The following DYM variants were observed in gnomAD, a reference collection of about 807,000 sequenced individuals.
DYM encodes dyggve-Melchior-Clausen syndrome protein.
Under a neutral mutation model 93.1 loss-of-function variants are expected in DYM, and 78 were observed. The ratio of observed to expected loss-of-function variants is 0.84; its 90% CI spans 0.70 to 1.01. The LOEUF is 1.01. Among genes scored for constraint, DYM ranks in the 50% least tolerant of loss-of-function variants. The pLI, the probability that DYM is intolerant of heterozygous loss-of-function variation, is 0.00. For synonymous variants in DYM, 321 were observed against 319.7 expected, an observed-to-expected ratio of 1.00 and a Z score of -0.04; for missense variants, 789 against 845.0, an observed-to-expected ratio of 0.93 and a Z score of 0.82.
chr18:49,282,532 G>A (rs2095015643), intron 9 of DYM, among the ~76,000 whole-genome samples: 1 of 152,216 alleles, frequency 6.6e-6, no homozygotes, highest in Non-Finnish European at 1.5e-5. Context: ...AGAATCGCTT[G>A]AACCTGGGAG....
At chr18:49,400,613 C>A (rs772294386) in intron 2 of DYM, among the ~76,000 whole-genome samples, 21 of 152,168 alleles carry the variant, frequency 1.4e-4, no homozygotes, top group Non-Finnish European at 1.5e-4. Context: ...CTGTTTGTTG[C>A]AGGATGCCTG....
rs370426195 is a variant in DYM, at chr18:49,240,592, A to G, written c.1460+16418T>C. On this transcript the variant is annotated intron_variant, in intron 13 of 17. Transcript: ENST00000675505. ...AGTCTAAATTATTAGGAAGTTGTCA[A>G]ACTCATGATGCCAAATATAAGTTTT... Among the ~76,000 whole-genome samples, 50 of 152,348 alleles carry G rather than the reference A, an allele frequency of 3.3e-4. 1 individual carries two copies. The South Asian group carries it at 9.9e-3, about 30-fold the overall frequency.
intron 17 of DYM, among the ~76,000 whole-genome samples, chr18:49,080,240 G>T (rs1318015633): frequency 8.4e-6 from 1 of 118,824 alleles, no homozygotes; most frequent in Admixed American, 8.3e-5. Context: ...CGGACGGGGC[G>T]GCTGGCCGGG....
At chr18:49,102,234 C>A (rs999627048) in intron 16 of DYM, among the ~76,000 whole-genome samples, 2 of 152,212 alleles carry the variant, frequency 1.3e-5, no homozygotes, top group Admixed American at 6.5e-5. Flanking sequence ...TTGCGCTGTG[C>A]AGACATTAAC....
intron 2 of DYM, among the ~76,000 whole-genome samples, chr18:49,426,488 A>G (rs963035747): frequency 7.2e-5 from 11 of 152,018 alleles, no homozygotes; most frequent in African/African-American, 2.7e-4. Flanking sequence ...TGGCACACGT[A>G]TACATATGTA....
At chr18:49,436,849 T>C (rs2080902745) in intron 1 of DYM, among the ~76,000 whole-genome samples, 2 of 152,210 alleles carry the variant, frequency 1.3e-5, no homozygotes, top group African/African-American at 4.8e-5. Flanking sequence ...ATGAAAATCA[T>C]AACAATTTGT....
intron 15 of DYM, among the ~76,000 whole-genome samples, chr18:49,144,702 A>G (rs1330561307): frequency 1.3e-5 from 2 of 152,182 alleles, no homozygotes; most frequent in Non-Finnish European, 2.9e-5. Flanking sequence ...CAACAAAAGC[A>G]TAAGTCCATG....
chr18:49,383,779 C>A (rs1463938107), intron 3 of DYM, among the ~76,000 whole-genome samples: 1 of 152,126 alleles, frequency 6.6e-6, no homozygotes, highest in Non-Finnish European at 1.5e-5. Context: ...GCAGTCACAG[C>A]CCAAGCTTAT....
At chr18:49,196,093 G>A (rs973672207) in intron 14 of DYM, among the ~76,000 whole-genome samples, 1 of 151,430 alleles carries the variant, frequency 6.6e-6, no homozygotes, top group Non-Finnish European at 1.5e-5. Context: ...CCCGGCTAAT[G>A]TTTTGTATTT....
At chr18:49,060,888 C>G (rs1226819863) in intron 17 of DYM, among the ~76,000 whole-genome samples, 5 of 152,058 alleles carry the variant, frequency 3.3e-5, no homozygotes, top group Non-Finnish European at 1.5e-5. Context: ...GTGTAAGGCA[C>G]TGCCTAGTCA....
At chr18:49,419,713 G>A (rs1253744595) in intron 2 of DYM, among the ~76,000 whole-genome samples, 1 of 151,984 alleles carries the variant, frequency 6.6e-6, no homozygotes, top group Non-Finnish European at 1.5e-5. Context: ...TCAATCTATA[G>A]GTCAATTTGA....
intron 8 of DYM, among the ~76,000 whole-genome samples, chr18:49,323,414 G>C (rs2062654268): frequency 6.6e-6 from 1 of 152,160 alleles, no homozygotes; most frequent in Non-Finnish European, 1.5e-5. Context: ...TTAATACCTG[G>C]TATGGACTGA....
chr18:49,362,146 G>T (rs1411865851), intron 6 of DYM, among the ~76,000 whole-genome samples: 1 of 151,596 alleles, frequency 6.6e-6, no homozygotes, highest in Non-Finnish European at 1.5e-5. Context: ...GATTACAGGC[G>T]TGAGACACTG....
At chr18:49,047,698 C>T (rs1308392879) in intron 17 of DYM, among the ~76,000 whole-genome samples, 2 of 152,134 alleles carry the variant, frequency 1.3e-5, no homozygotes, top group Non-Finnish European at 2.9e-5. Context: ...TCCTCATACA[C>T]TGTGTTGATT....
intron 17 of DYM, among the ~76,000 whole-genome samples, chr18:49,084,139 C>T (rs1041179211): frequency 1.3e-5 from 2 of 152,116 alleles, no homozygotes; most frequent in Non-Finnish European, 2.9e-5. Flanking sequence ...CCTGTAAGCA[C>T]CACTTGAGCC....
Position 49,452,680 on chromosome 18 carries a change from G to A in DYM, c.-54+7718C>T, listed in dbSNP as rs1046948519. On this transcript the variant is annotated intron_variant, in intron 1 of 17. Coordinates refer to ENST00000675505, the MANE Select transcript of DYM (RefSeq NM_001353214.3). The stretch of plus-strand genomic sequence containing the variant: ...CCTGCGTGGCCTGAGCCTCCCTGAC[G>A]AGCGCCGCTCCCTGCTCCCCAGCGC... Among the ~76,000 whole-genome samples the A allele has an allele frequency of 1.4e-4, 19 of 137,766 alleles. 3 individuals are homozygous for A. The highest frequency in any genetic ancestry group is 2.8e-4 in the Admixed American group (4 of 14,206). 90.4% of individuals were successfully genotyped at this position (137,766 alleles called of 152,430 possible). A position where few individuals can be genotyped will look rare whatever the true frequency, so the allele number is the denominator to read the frequency against.
intron 8 of DYM, among the ~76,000 whole-genome samples, chr18:49,299,294 T>C (rs1483318680): frequency 6.6e-6 from 1 of 152,212 alleles, no homozygotes; most frequent in Admixed American, 6.5e-5. Context: ...TTTGAAAAAG[T>C]AAGTCATTCT....
At chr18:49,435,622 T>C (rs1464481347) in intron 1 of DYM, among the ~76,000 whole-genome samples, 1 of 152,002 alleles carries the variant, frequency 6.6e-6, no homozygotes, top group African/African-American at 2.4e-5. Flanking sequence ...ACCCCATCTC[T>C]ACTAAAAATA....
intron 16 of DYM, among the ~76,000 whole-genome samples, chr18:49,100,015 C>A (rs2079972049): frequency 6.6e-6 from 1 of 152,182 alleles, no homozygotes; most frequent in Admixed American, 6.6e-5. Context: ...AACACATATA[C>A]TACACTAAGC....
Sources: allele counts gnomAD v4.1 joint callset (sites outside exome capture counted in the v4.1 genomes callset), GRCh38; gene constraint gnomAD v4.1.1; transcripts MANE v1.5; gene names NCBI Gene and HGNC (gene_info 2026-07-23, HGNC 2026-07-21).